Variants in FAAH2 observed in about 807,000 individuals in gnomAD.
FAAH2 encodes the protein fatty acid amide hydrolase 2, also known as fatty-acid amide hydrolase 2.
FAAH2 carries 60 observed loss-of-function variants against 36.9 expected under a neutral mutation model. That is an observed-to-expected ratio of 1.63 (90% CI 1.32 to 2.02). The LOEUF is 2.02. Among genes scored for constraint, FAAH2 ranks in the 30% most tolerant of loss-of-function variants. FAAH2 has a pLI of 0.00. For missense variants in FAAH2, 689 were observed against 397.5 expected, an observed-to-expected ratio of 1.73 and a Z score of -6.23; for synonymous variants, 214 against 143.8, an observed-to-expected ratio of 1.49 and a Z score of -3.49.
At chrX:57,304,433 C>T (rs1049983543) in intron 2 of FAAH2, among the ~76,000 whole-genome samples, 2 of 111,672 alleles carry the variant, frequency 1.8e-5, no homozygotes, top group African/African-American at 6.5e-5. Flanking sequence ...CAGTCTTTTG[C>T]CTTGGACATC....
At chrX:57,259,029 G>T in the FAAH2 span, among the ~76,000 whole-genome samples, 1 of 110,895 alleles carries the variant, frequency 9.0e-6, no homozygotes, top group South Asian at 3.8e-4. Flanking sequence ...AATATAAAAT[G>T]CAAATCTAAA....
chrX:57,165,933 T>C, the FAAH2 span, among the ~76,000 whole-genome samples: 1 of 110,168 alleles, frequency 9.1e-6, no homozygotes, highest in African/African-American at 3.3e-5. Context: ...ATGCCCCCCA[T>C]CCTGTGCCTA....
intron 10 of FAAH2, among the ~76,000 whole-genome samples, chrX:57,461,117 T>C (rs774984764): frequency 9.8e-6 from 1 of 101,692 alleles, no homozygotes; most frequent in Admixed American, 1.1e-4. Flanking sequence ...TAAACATACA[T>C]GCACCCAATA....
At chrX:57,202,467 C>A in the FAAH2 span, among the ~76,000 whole-genome samples, 1 of 111,626 alleles carries the variant, frequency 9.0e-6, no homozygotes, top group Non-Finnish European at 1.9e-5. Flanking sequence ...TGTTCTCTTT[C>A]TTTACTTTCT....
intron 7 of FAAH2, among the ~76,000 whole-genome samples, chrX:57,398,554 T>C (rs1401320435): frequency 9.0e-6 from 1 of 111,126 alleles, no homozygotes; most frequent in Admixed American, 9.5e-5. Context: ...AACTTTTTTT[T>C]TTTTTGCAGT....
At chrX:57,327,421 A>G (rs1362518734) in intron 3 of FAAH2, among the ~76,000 whole-genome samples, 1 of 110,043 alleles carries the variant, frequency 9.1e-6, no homozygotes, top group Non-Finnish European at 1.9e-5. Flanking sequence ...CCTAAATAAT[A>G]TCCTGCAGAG....
At chrX:57,198,767 T>C in the FAAH2 span, among the ~76,000 whole-genome samples, 8 of 112,463 alleles carry the variant, frequency 7.1e-5, no homozygotes, top group East Asian at 2.3e-3. Context: ...GAACTGTGAG[T>C]GCCTACAGGG....
At chrX:57,431,870 C>T in intron 7 of FAAH2, 48 bp from the exon 8 acceptor site, 1 of 995,455 alleles carries the variant, frequency 1.0e-6, no homozygotes, top group South Asian at 2.4e-5. Flanking sequence ...TCAGTAGTAT[C>T]TCCTCTTCTC....
At chrX:57,123,757 T>C in the FAAH2 span, among the ~76,000 whole-genome samples, 1 of 112,787 alleles carries the variant, frequency 8.9e-6, no homozygotes, top group Non-Finnish European at 1.9e-5. Flanking sequence ...TGGCCAGTGA[T>C]GAAGAGCATT....
chrX:57,419,568 T>C, intron 7 of FAAH2, among the ~76,000 whole-genome samples: 1 of 111,904 alleles, frequency 8.9e-6, no homozygotes, highest in Non-Finnish European at 1.9e-5. Context: ...TGGGGTTGTT[T>C]GTTTTTTTCT....
At chrX:57,383,341 G>T (rs1246111061) in intron 7 of FAAH2, among the ~76,000 whole-genome samples, 1 of 111,855 alleles carries the variant, frequency 8.9e-6, no homozygotes, top group Non-Finnish European at 1.9e-5. Context: ...TCAGGCAGCA[G>T]AAGGAAATAA....
At chrX:57,169,319 G>C in the FAAH2 span, among the ~76,000 whole-genome samples, 1 of 100,213 alleles carries the variant, frequency 1.0e-5, no homozygotes, top group Non-Finnish European at 2.0e-5. Context: ...CTGTCATCAC[G>C]TGTGTGTGTG....
At chrX:57,206,717 A>T in the FAAH2 span, among the ~76,000 whole-genome samples, 1 of 112,228 alleles carries the variant, frequency 8.9e-6, no homozygotes, top group African/African-American at 3.2e-5. Flanking sequence ...AGTCTTTTAA[A>T]TCAATGACTA....
intron 5 of FAAH2, among the ~76,000 whole-genome samples, chrX:57,367,226 A>G (rs1417859545): frequency 8.9e-6 from 1 of 112,724 alleles, no homozygotes; most frequent in Non-Finnish European, 1.9e-5. Flanking sequence ...ATCTAAGGTT[A>G]ACTTAGGATC....
upstream of FAAH2, among the ~76,000 whole-genome samples, chrX:57,282,856 C>T (rs189376139): frequency 8.9e-6 from 1 of 112,237 alleles, no homozygotes; most frequent in East Asian, 2.8e-4. Flanking sequence ...CACAGAAGTG[C>T]TGTCTGTAGA....
the FAAH2 span, among the ~76,000 whole-genome samples, chrX:57,162,333 T>C: frequency 1.8e-5 from 2 of 111,430 alleles, no homozygotes; most frequent in South Asian, 3.8e-4. Context: ...CTGACAATTA[T>C]GTTTCTTGGA....
the FAAH2 span, among the ~76,000 whole-genome samples, chrX:57,206,811 G>T: frequency 1.8e-5 from 2 of 111,922 alleles, no homozygotes; most frequent in African/African-American, 6.5e-5. Flanking sequence ...TGAATTAATG[G>T]CTCTTAAGTC....
At chrX:57,392,942 T>C (rs2055201459) in intron 7 of FAAH2, 7 of 910,270 alleles carry the variant, frequency 7.7e-6, no homozygotes, top group Non-Finnish European at 1.1e-5. Flanking sequence ...TGTTGTCTGC[T>C]CCATAGATCT....
chrX:57,426,901 C>A (rs1325828325), intron 7 of FAAH2, among the ~76,000 whole-genome samples: 1 of 110,174 alleles, frequency 9.1e-6, no homozygotes, highest in African/African-American at 3.3e-5. Context: ...AACATCAGAG[C>A]AAAACTAAAT....
Sources: allele counts gnomAD v4.1 joint callset (sites outside exome capture counted in the v4.1 genomes callset), GRCh38; gene constraint gnomAD v4.1.1; transcripts MANE v1.5; gene names NCBI Gene and HGNC (gene_info 2026-07-23, HGNC 2026-07-21).